The following GAB1 variants were observed in gnomAD, a reference collection of about 807,000 sequenced individuals.
GAB1 encodes GRB2 associated binding protein 1.
Under a neutral mutation model 66.5 loss-of-function variants are expected in GAB1, and 19 were observed. The observed-to-expected ratio is 0.29, with a 90% CI of 0.20 to 0.42. GAB1 has a LOEUF of 0.42. Ranked by LOEUF, GAB1 falls within the 10% of genes least tolerant of loss-of-function variation. GAB1 has a pLI of 1.00. For synonymous variants in GAB1, 294 were observed against 301.4 expected (o/e 0.98, Z 0.25); for missense variants, 732 against 858.5 (o/e 0.85, Z 1.84).
At chr4:143,367,584 G>A (rs531774980) in intron 1 of GAB1, among the ~76,000 whole-genome samples, 3 of 149,302 alleles carry the variant, frequency 2.0e-5, no homozygotes, top group African/African-American at 7.4e-5. Flanking sequence ...AGAGGTATAA[G>A]TTCCAATACC....
At chr4:143,341,287 C>T (rs2149640249) in intron 1 of GAB1, among the ~76,000 whole-genome samples, 1 of 152,300 alleles carries the variant, frequency 6.6e-6, no homozygotes, top group South Asian at 2.1e-4. Context: ...TGGTAGTATG[C>T]ACTCAACAAT....
chr4:143,439,821 C>T lies in GAB1; in HGVS notation c.1215C>T (p.Cys405=). The T allele has an allele frequency of 6.2e-7, 1 of 1,612,542 alleles. No individual in the cohort carries two copies. The highest frequency in any genetic ancestry group is 8.5e-7 in the Non-Finnish European group (1 of 1,178,648). Reference sequence around the variant, plus strand: ...TTTTAGATGCTAGTTCTCAAGACTGCTATGATATTCCACGAGCATTTCCAA... The same window carrying T: ...TTTTAGATGCTAGTTCTCAAGACTGTTATGATATTCCACGAGCATTTCCAA... ...KLRKDASSQD[C]YDIPRAFPSD... is the part of the protein sequence containing the mutation. Residue 405 remains cysteine, a synonymous_variant, in exon 5 of 10, where the codon TGC becomes TGT. Coordinates refer to ENST00000262994, the MANE Select transcript of GAB1 (RefSeq NM_002039.4).
At chr4:143,338,941 T>A (rs1728744062) in intron 1 of GAB1, among the ~76,000 whole-genome samples, 1 of 152,062 alleles carries the variant, frequency 6.6e-6, no homozygotes, top group South Asian at 2.1e-4. Context: ...ACACCAACCA[T>A]AAGGTCACAA....
chr4:143,369,366 C>T (rs1200668690), intron 1 of GAB1, among the ~76,000 whole-genome samples: 2 of 152,150 alleles, frequency 1.3e-5, no homozygotes, highest in Non-Finnish European at 1.5e-5. Context: ...TGTGAACAAC[C>T]GCAGCTGGCC....
intron 4 of GAB1, 61 bp from the exon 5 acceptor site, chr4:143,439,741 C>A: frequency 8.9e-7 from 1 of 1,128,396 alleles, no homozygotes; most frequent in Non-Finnish European, 1.3e-6. Context: ...TAGGTCATCC[C>A]AATGACCCTG....
chr4:143,368,519 C>T (rs1199228305), intron 1 of GAB1, among the ~76,000 whole-genome samples: 1 of 152,024 alleles, frequency 6.6e-6, no homozygotes, highest in Non-Finnish European at 1.5e-5. Context: ...TACAAATATG[C>T]CTAATTTTTA....
Position 143,375,552 on chromosome 4 carries a change from GAGGGAGATA to G in GAB1, c.72+38298_72+38306del, listed in dbSNP as rs543871837. 2.4e-4 allele frequency among the ~76,000 whole-genome samples: 37 copies of G among 152,296 alleles called. 1 individual carries two copies. The South Asian group carries it at 7.3e-3, about 30-fold the overall frequency. On this transcript the variant is annotated intron_variant, in intron 1 of 9. Coordinates refer to ENST00000262994, the MANE Select transcript of GAB1 (RefSeq NM_002039.4). ...TCATGCAGTAGGTGTGGATGAGAAA[GAGGGAGATA>G]AGGGAAGAAAGGGGGCTGTGAATAA...
At chr4:143,451,755 CCT>C (rs1353226432) in intron 6 of GAB1, among the ~76,000 whole-genome samples, 2 of 152,016 alleles carry the variant, frequency 1.3e-5, no homozygotes, top group East Asian at 1.9e-4. Flanking sequence ...CAAAAGTCCC[CCT>C]GTCTGGCTCC....
intron 1 of GAB1, among the ~76,000 whole-genome samples, chr4:143,356,147 C>T (rs1729437572): frequency 6.6e-6 from 1 of 152,042 alleles, no homozygotes; most frequent in African/African-American, 2.4e-5. Flanking sequence ...GGGAAATATT[C>T]AAATTTTGAG....
At chr4:143,418,730 A>G (rs1043168510) in intron 2 of GAB1, among the ~76,000 whole-genome samples, 2 of 152,148 alleles carry the variant, frequency 1.3e-5, no homozygotes, top group Non-Finnish European at 2.9e-5. Flanking sequence ...AGGAAATGAG[A>G]TGTTCTCATA....
Position 143,412,256 on chromosome 4 carries a change from G to A in GAB1, c.73-3221G>A, listed in dbSNP as rs188644541. On this transcript the variant is annotated intron_variant, in intron 1 of 9. Transcript: ENST00000262994. ...ACATGTTCTGTGCTTTTCTGTTTTT[G>A]CCATTTTCCCAAGATGTTTTGTGCA... 9.2e-5 allele frequency among the ~76,000 whole-genome samples: 14 copies of A among 152,238 alleles called. No individual in the cohort carries two copies. In the East Asian group the frequency reaches 2.7e-3, roughly 29 times the overall value.
intron 1 of GAB1, among the ~76,000 whole-genome samples, chr4:143,380,060 T>A (rs1227698575): frequency 6.7e-6 from 1 of 150,264 alleles, no homozygotes; most frequent in Non-Finnish European, 1.5e-5. Flanking sequence ...TTTCTTCCAT[T>A]GAATTTCTAA....
intron 1 of GAB1, among the ~76,000 whole-genome samples, chr4:143,415,093 T>G (rs1394208028): frequency 6.6e-6 from 1 of 152,226 alleles, no homozygotes; most frequent in Admixed American, 6.5e-5. Context: ...TTTTTATGAC[T>G]GGCTTATTTC....
chr4:143,444,435 A>G (rs1199740659), intron 6 of GAB1, among the ~76,000 whole-genome samples: 1 of 152,158 alleles, frequency 6.6e-6, no homozygotes, highest in African/African-American at 2.4e-5. Context: ...AGTACCTTCA[A>G]GCTTAGATCC....
At chr4:143,345,453 T>C (rs913033745) in intron 1 of GAB1, among the ~76,000 whole-genome samples, 2 of 152,242 alleles carry the variant, frequency 1.3e-5, no homozygotes, top group African/African-American at 4.8e-5. Flanking sequence ...TGTAAAAATA[T>C]TAAGCCTTTC....
chr4:143,437,564 C>T (rs1374706612), intron 3 of GAB1, among the ~76,000 whole-genome samples: 1 of 152,054 alleles, frequency 6.6e-6, no homozygotes, highest in Non-Finnish European at 1.5e-5. Flanking sequence ...ACAAATTTGC[C>T]GTGGGGAGGT....
chr4:143,408,565 G>T (rs1732190267), intron 1 of GAB1, among the ~76,000 whole-genome samples: 1 of 151,940 alleles, frequency 6.6e-6, no homozygotes, highest in African/African-American at 2.4e-5. Context: ...TTATCTTGTG[G>T]GCATTGCTCA....
At chr4:143,463,015 G>T (rs1735581348) in intron 8 of GAB1, among the ~76,000 whole-genome samples, 2 of 152,078 alleles carry the variant, frequency 1.3e-5, no homozygotes, top group South Asian at 4.1e-4. Flanking sequence ...AAGCAAAAAT[G>T]ACCCAGGAGG....
At chr4:143,428,797 A>G (rs1560763031) in intron 2 of GAB1, among the ~76,000 whole-genome samples, 1 of 142,830 alleles carries the variant, frequency 7.0e-6, no homozygotes, top group Non-Finnish European at 1.5e-5. Context: ...GAATTGAACA[A>G]TGAGAACACT....
Sources: allele counts gnomAD v4.1 joint callset (sites outside exome capture counted in the v4.1 genomes callset), GRCh38; gene constraint gnomAD v4.1.1; transcripts MANE v1.5; gene names NCBI Gene and HGNC (gene_info 2026-07-23, HGNC 2026-07-21).